THSD7A: variants seen among roughly 807,000 people sequenced by gnomAD.
THSD7A encodes thrombospondin type 1 domain containing 7A.
In THSD7A, 96 loss-of-function variants were observed where a neutral mutation model predicts 231.3. The ratio of observed to expected loss-of-function variants is 0.41; its 90% CI spans 0.35 to 0.49. The LOEUF (loss-of-function observed/expected upper bound fraction) is 0.49, where lower values mean the gene tolerates loss of function less well. THSD7A is among the 20% of genes least tolerant of loss of function. The probability of loss-of-function intolerance (pLI) is 0.05; values close to 1 mark genes in which losing one functional copy is unlikely to be tolerated. For missense variants in THSD7A, 2,290 were observed against 2,070.2 expected, an observed-to-expected ratio of 1.11 and a Z score of -2.06; for synonymous variants, 940 against 743.3, an observed-to-expected ratio of 1.26 and a Z score of -4.30.
At chr7:11,520,044 C>T (rs10262032) in intron 6 of THSD7A, 24,519 of 152,062 alleles carry the variant, frequency 0.16, 2,329 homozygotes, top group African/African-American at 0.26. Flanking sequence ...CTTCTCTCAA[C>T]TTATTAGAAC....
At chr7:11,574,127 C>T (rs1301496343) in intron 4 of THSD7A, among the ~76,000 whole-genome samples, 1 of 152,148 alleles carries the variant, frequency 6.6e-6, no homozygotes, top group Non-Finnish European at 1.5e-5. Flanking sequence ...ATATAAATCT[C>T]GGAATCCAAA....
intron 2 of THSD7A, among the ~76,000 whole-genome samples, chr7:11,597,301 A>G (rs1170606198): frequency 6.6e-6 from 1 of 152,204 alleles, no homozygotes; most frequent in East Asian, 1.9e-4. Flanking sequence ...AAGAGGCACA[A>G]TGGCTAGTGG....
intron 6 of THSD7A, among the ~76,000 whole-genome samples, chr7:11,526,827 A>G (rs985268277): frequency 9.9e-5 from 15 of 152,162 alleles, no homozygotes; most frequent in African/African-American, 3.6e-4. Context: ...CTCAGATAGT[A>G]TCTTTACAGC....
chr7:11,399,378 T>G (rs1339959879), intron 23 of THSD7A, among the ~76,000 whole-genome samples: 2 of 152,048 alleles, frequency 1.3e-5, no homozygotes, highest in Non-Finnish European at 1.5e-5. Context: ...CAACTTTGCT[T>G]TTTTTTTCCT....
intron 4 of THSD7A, among the ~76,000 whole-genome samples, chr7:11,557,629 A>G (rs1051599024): frequency 6.6e-6 from 1 of 152,088 alleles, no homozygotes; most frequent in Admixed American, 6.6e-5. Context: ...GAATGGCAAA[A>G]GGGTGTATGT....
intron 1 of THSD7A, among the ~76,000 whole-genome samples, chr7:11,741,621 C>G (rs1490619550): frequency 6.6e-6 from 1 of 151,786 alleles, no homozygotes; most frequent in African/African-American, 2.4e-5. Context: ...AGATTTATAA[C>G]TGTGAGCACT....
chr7:11,562,598 T>G (rs1215368203), intron 4 of THSD7A, among the ~76,000 whole-genome samples: 1 of 152,226 alleles, frequency 6.6e-6, no homozygotes, highest in Non-Finnish European at 1.5e-5. Flanking sequence ...TCTCTTGGAT[T>G]TAAACCTTCA....
At chr7:11,776,345 G>C (rs1783405056) in intron 1 of THSD7A, among the ~76,000 whole-genome samples, 1 of 152,144 alleles carries the variant, frequency 6.6e-6, no homozygotes, top group African/African-American at 2.4e-5. Flanking sequence ...CCCAGTAATG[G>C]AGCACATAAA....
chr7:11,648,121 C>G (rs1423471339), intron 1 of THSD7A, among the ~76,000 whole-genome samples: 2 of 152,018 alleles, frequency 1.3e-5, no homozygotes, highest in African/African-American at 2.4e-5. Flanking sequence ...GCTTAGAGGT[C>G]CATGTAAGTC....
chr7:11,470,360 A>T (rs1785887796), intron 8 of THSD7A, among the ~76,000 whole-genome samples: 1 of 152,080 alleles, frequency 6.6e-6, no homozygotes, highest in African/African-American at 2.4e-5. Context: ...TTAAGGATCT[A>T]ATTCTATGAT....
chr7:11,796,109 G>A (rs186525399), intron 1 of THSD7A, among the ~76,000 whole-genome samples: 29 of 143,708 alleles, frequency 2.0e-4, no homozygotes, highest in African/African-American at 7.4e-4. Context: ...CTACAAAAGT[G>A]TAACGATGTA....
chr7:11,415,545 G>A (rs758602289), intron 17 of THSD7A, among the ~76,000 whole-genome samples: 1 of 152,056 alleles, frequency 6.6e-6, no homozygotes, highest in Non-Finnish European at 1.5e-5. Flanking sequence ...TCCACCTACC[G>A]AGAGATGCCT....
chr7:11,401,413 A>T (rs1197065086), intron 23 of THSD7A, among the ~76,000 whole-genome samples: 1 of 151,978 alleles, frequency 6.6e-6, no homozygotes, highest in African/African-American at 2.4e-5. Context: ...AAATTTTTAA[A>T]TTATTTATTT....
chr7:11,801,111 C>T (rs535592677), intron 1 of THSD7A, among the ~76,000 whole-genome samples: 20 of 151,930 alleles, frequency 1.3e-4, no homozygotes, highest in Admixed American at 5.2e-4. Flanking sequence ...AGACCAGCCT[C>T]GGCAACAAGG....
At chr7:11,482,086 C>T (rs1007637676) in intron 6 of THSD7A, 104 bp from the exon 7 acceptor site, 2 of 1,285,978 alleles carry the variant, frequency 1.6e-6, no homozygotes, top group Non-Finnish European at 2.1e-6. Context: ...CTTTCTTTTG[C>T]TCTTACTTAA....
intron 1 of THSD7A, among the ~76,000 whole-genome samples, chr7:11,805,636 T>C (rs1429961875): frequency 6.6e-6 from 1 of 152,102 alleles, no homozygotes; most frequent in Non-Finnish European, 1.5e-5. Context: ...CATTCACATA[T>C]CATTATATGG....
At chr7:11,786,028 C>A (rs1783780714) in intron 1 of THSD7A, among the ~76,000 whole-genome samples, 1 of 151,736 alleles carries the variant, frequency 6.6e-6, no homozygotes, top group African/African-American at 2.4e-5. Context: ...CATAATTAAC[C>A]CATTTCTTCC....
Position 11,406,479 on chromosome 7 carries a change from A to G in THSD7A, c.4063-5T>C. ...CCCTTCTCCACACTGGGCCTCCTGG[A>G]ATGGAGGAAGAAATAACTAATTAGA... On this transcript the variant is annotated splice_region_variant and splice_polypyrimidine_tract_variant and intron_variant, in intron 21 of 27. Transcript: ENST00000423059. The surrounding 1 kb of genome is among the most constrained non-coding windows in gnomAD (Gnocchi z 4.7). 6.2e-7 allele frequency: 1 copy of G among 1,602,556 alleles called. No homozygotes were observed. The highest frequency in any genetic ancestry group is 8.5e-7 in the Non-Finnish European group (1 of 1,176,060).
At chr7:11,795,600 A>G (rs1395227189) in intron 1 of THSD7A, among the ~76,000 whole-genome samples, 1 of 152,052 alleles carries the variant, frequency 6.6e-6, no homozygotes, top group African/African-American at 2.4e-5. Flanking sequence ...TGAAATAAAG[A>G]TATTTACTTA....
Sources: gnomAD v4.1 joint callset for allele counts (sites outside exome capture counted in the v4.1 genomes callset) on GRCh38, gnomAD v4.1.1 for gene constraint, Gnocchi (gnomAD v3.1) non-coding constraint, MANE v1.5 for transcripts, NCBI Gene and HGNC (gene_info 2026-07-23, HGNC 2026-07-21) for gene names.